ARMC3: variants seen among roughly 807,000 people sequenced by gnomAD.
The protein encoded by ARMC3 is armadillo repeat-containing protein 3.
A neutral mutation model predicts 90.3 loss-of-function variants in ARMC3; 74 were observed. The observed-to-expected ratio is 0.82, with a 90% confidence interval of 0.68 to 0.99. ARMC3 has a LOEUF of 0.99. Among genes scored for constraint, ARMC3 ranks in the 50% least tolerant of loss-of-function variants. ARMC3 has a pLI of 0.00. For synonymous variants in ARMC3, 334 were observed against 361.8 expected, an observed-to-expected ratio of 0.92 and a Z score of 0.87; for missense variants, 958 against 1,042.8, an observed-to-expected ratio of 0.92 and a Z score of 1.12.
chr10:22,989,172 T>C (rs1321610114), intron 10 of ARMC3, among the ~76,000 whole-genome samples: 1 of 152,214 alleles, frequency 6.6e-6, no homozygotes, highest in East Asian at 1.9e-4. Flanking sequence ...CTCTCCAGTG[T>C]ATCTAAGATA....
chr10:22,992,849 A>G (rs972064417), intron 10 of ARMC3, among the ~76,000 whole-genome samples: 1 of 152,198 alleles, frequency 6.6e-6, no homozygotes, highest in Non-Finnish European at 1.5e-5. Context: ...GTTTATCATA[A>G]CGGCCAGTGT....
In ARMC3 at chr10:22,981,336, A is replaced by C; in HGVS notation, c.917-4A>C. 1 of 1,593,744 alleles carries C rather than the reference A, an allele frequency of 6.3e-7. No individual in the cohort carries two copies. Among genetic ancestry groups the C allele is most frequent in the Non-Finnish European group, 8.5e-7 (1 of 1,173,592 alleles). On this transcript the variant is annotated splice_region_variant and splice_polypyrimidine_tract_variant and intron_variant, in intron 8 of 18. Transcript: ENST00000298032. ...TGAATTTTTTTCCCTTTGGTGTATGAAAGCTGAAAATAGAAAACTTTTTCA... is the reference window on the plus strand; with the variant it reads ...TGAATTTTTTTCCCTTTGGTGTATGCAAGCTGAAAATAGAAAACTTTTTCA...
At chr10:22,950,514 A>G (rs903594255) in intron 3 of ARMC3, among the ~76,000 whole-genome samples, 1 of 152,188 alleles carries the variant, frequency 6.6e-6, no homozygotes, top group African/African-American at 2.4e-5. Flanking sequence ...AAGAAATAAA[A>G]TGGAATCAGT....
intron 2 of ARMC3, among the ~76,000 whole-genome samples, chr10:22,938,293 G>A (rs1457697267): frequency 2.0e-5 from 3 of 152,200 alleles, no homozygotes; most frequent in East Asian, 1.9e-4. Context: ...TGAGCGAGGT[G>A]TAGGATGGGG....
intron 16 of ARMC3, among the ~76,000 whole-genome samples, chr10:23,019,259 T>C (rs999311735): frequency 6.6e-6 from 1 of 152,184 alleles, no homozygotes; most frequent in Non-Finnish European, 1.5e-5. Flanking sequence ...CAGCATCCCC[T>C]AGGGTGAGAT....
At chr10:23,004,601 G>A (rs1239863096) in intron 13 of ARMC3, among the ~76,000 whole-genome samples, 4 of 152,158 alleles carry the variant, frequency 2.6e-5, no homozygotes, top group African/African-American at 9.7e-5. Flanking sequence ...CACGGGGAGT[G>A]AGGCTGACAG....
chr10:23,015,049 G>C (rs1368010023), intron 16 of ARMC3, among the ~76,000 whole-genome samples: 2 of 151,952 alleles, frequency 1.3e-5, no homozygotes, highest in Non-Finnish European at 2.9e-5. Flanking sequence ...AGAATAATGA[G>C]ACATCGAGAA....
intron 15 of ARMC3, 107 bp downstream of exon 15, chr10:23,008,481 AT>A: frequency 1.4e-6 from 1 of 693,814 alleles, no homozygotes; most frequent in Non-Finnish European, 2.5e-6. Context: ...TATTCTTCTT[AT>A]GGTAATACAA....
intron 16 of ARMC3, among the ~76,000 whole-genome samples, chr10:23,009,887 G>A (rs1333090103): frequency 6.6e-6 from 1 of 152,166 alleles, no homozygotes; most frequent in Admixed American, 6.5e-5. Context: ...GTAGACTTAA[G>A]CCTGTAAGGG....
In ARMC3 at chr10:23,002,071, C is replaced by A. The variant is rs2131424209; in HGVS notation, c.1562+16C>A. 1 of 1,611,358 alleles carries A rather than the reference C, an allele frequency of 6.2e-7. No individual in the cohort carries two copies. The highest frequency in any genetic ancestry group is 1.7e-4 in the Middle Eastern group (1 of 5,830). ...GCAGGCTCGGGTGAGTGGATGCCAT[C>A]TCAAGTTTCTGGCTCAGATGAAGAG... On this transcript the variant is annotated intron_variant, in intron 12 of 18. Coordinates refer to ENST00000298032, the MANE Select transcript of ARMC3 (RefSeq NM_173081.5).
At chr10:22,974,630 G>GTTTT (rs67925451) in intron 8 of ARMC3, among the ~76,000 whole-genome samples, 15 of 148,788 alleles carry the variant, frequency 1.0e-4, no homozygotes, top group African/African-American at 3.5e-4. Flanking sequence ...TCTAAAATCT[G>GTTTT]TTTTTTTTTG....
chr10:22,936,991 C>A (rs1834134772), intron 2 of ARMC3, among the ~76,000 whole-genome samples: 1 of 152,084 alleles, frequency 6.6e-6, no homozygotes, highest in Admixed American at 6.5e-5. Flanking sequence ...GCAGCCTCCA[C>A]CTCCCAGCTC....
At chr10:22,959,733 T>A in intron 6 of ARMC3, 159 bp downstream of exon 6, 2 of 711,492 alleles carry the variant, frequency 2.8e-6, no homozygotes, top group Non-Finnish European at 4.7e-6. Context: ...AATGGAAGCT[T>A]AATGTAGATA....
intron 1 of ARMC3, among the ~76,000 whole-genome samples, chr10:22,930,339 GT>G (rs1267652447): frequency 6.6e-6 from 1 of 151,990 alleles, no homozygotes; most frequent in Non-Finnish European, 1.5e-5. Flanking sequence ...TTAATTAAAT[GT>G]TTTATTAATA....
intron 11 of ARMC3, among the ~76,000 whole-genome samples, chr10:23,000,812 G>T (rs1837247975): frequency 6.6e-6 from 1 of 152,152 alleles, no homozygotes; most frequent in South Asian, 2.1e-4. Flanking sequence ...TCCTGTCTTA[G>T]GATACTACAC....
chr10:23,003,665 C>T (rs1037065826), intron 13 of ARMC3, among the ~76,000 whole-genome samples: 2 of 152,106 alleles, frequency 1.3e-5, no homozygotes, highest in African/African-American at 2.4e-5. Context: ...AGATAAGATA[C>T]AAAAGAAGAG....
At chr10:22,998,116 G>A in intron 10 of ARMC3, 32 bp from the exon 11 acceptor site, 1 of 1,603,220 alleles carries the variant, frequency 6.2e-7, no homozygotes, top group Non-Finnish European at 8.5e-7. Flanking sequence ...GAATTCAGAT[G>A]AATCACATTC....
At chr10:22,984,144 C>T (rs1836306677) in intron 10 of ARMC3, among the ~76,000 whole-genome samples, 1 of 152,140 alleles carries the variant, frequency 6.6e-6, no homozygotes, top group South Asian at 2.1e-4. Context: ...TAAAAATGCA[C>T]ATAAGTGTTG....
rs1201015133 is a variant in ARMC3, at chr10:23,037,766, C to T, written c.*287C>T. 1.1e-5 allele frequency: 3 copies of T among 271,604 alleles called. No individual in the cohort carries two copies. The highest frequency in any genetic ancestry group is 2.1e-5 in the Non-Finnish European group (3 of 143,440). The allele number at this position is 271,604 out of a possible 1,614,324, so 16.8% of individuals were successfully genotyped here. A position where few individuals can be genotyped will look rare whatever the true frequency, so the allele number is the denominator to read the frequency against. On this transcript the variant is annotated 3_prime_UTR_variant, in exon 19 of 19. Coordinates refer to ENST00000298032, the MANE Select transcript of ARMC3 (RefSeq NM_173081.5). ...CAGCCCACTGTGTCCTGAGGAGCGTCTCTGTCATTTAGGAATCACATGTAG... is the reference window on the plus strand; with the variant it reads ...CAGCCCACTGTGTCCTGAGGAGCGTTTCTGTCATTTAGGAATCACATGTAG...
Sources: allele counts gnomAD v4.1 joint callset (sites outside exome capture counted in the v4.1 genomes callset), GRCh38; gene constraint gnomAD v4.1.1; transcripts MANE v1.5; gene names NCBI Gene and HGNC (gene_info 2026-07-23, HGNC 2026-07-21).